Variants in ZNF839 observed in about 807,000 individuals in gnomAD.
ZNF839 encodes zinc finger protein 839.
Under a neutral mutation model 56.4 loss-of-function variants are expected in ZNF839, and 38 were observed. That is an observed-to-expected ratio of 0.67 (90% CI 0.52 to 0.88). The LOEUF (loss-of-function observed/expected upper bound fraction) is 0.88. Ranked by LOEUF, ZNF839 falls within the 40% of genes least tolerant of loss-of-function variation. The probability of loss-of-function intolerance (pLI) is 0.00; values close to 1 mark genes in which losing one functional copy is unlikely to be tolerated. For missense variants in ZNF839, 1,091 were observed against 1,177.6 expected, an observed-to-expected ratio of 0.93 and a Z score of 1.08; for synonymous variants, 486 against 493.5, an observed-to-expected ratio of 0.98 and a Z score of 0.20.
At position 102,325,183 on chromosome 14, in the gene ZNF839, C is replaced by T. The variant is rs141633661; in HGVS notation, c.289-802C>T. Among the ~76,000 whole-genome samples, 227 of 151,854 alleles carry T rather than the reference C, an allele frequency of 1.5e-3. 2 individuals are homozygous for T. The highest frequency in any genetic ancestry group is 5.3e-3 in the African/African-American group (221 of 41,444). Reference sequence around the variant, plus strand: ...CCAGCCTGGCCAACATGGTGAAACCCGTCTCTACCAAAAAATACAAAAATT... The same window carrying T: ...CCAGCCTGGCCAACATGGTGAAACCTGTCTCTACCAAAAAATACAAAAATT... On this transcript the variant is annotated intron_variant, in intron 1 of 7. Transcript: ENST00000442396.
At chr14:102,321,531 A>G (rs1028480542) in intron 1 of ZNF839, among the ~76,000 whole-genome samples, 2 of 152,210 alleles carry the variant, frequency 1.3e-5, no homozygotes, top group Admixed American at 6.5e-5. Context: ...TATAAATTCT[A>G]CCTGCAATAA....
chr14:102,335,052 C>T (rs1462746438), intron 4 of ZNF839: 1 of 154,392 alleles, frequency 6.5e-6, no homozygotes, highest in African/African-American at 2.4e-5. Context: ...GCTACCGTGC[C>T]CAGCTCATAG....
chr14:102,329,960 AT>A (rs2073693573), intron 2 of ZNF839, among the ~76,000 whole-genome samples: 1 of 150,722 alleles, frequency 6.6e-6, no homozygotes, highest in African/African-American at 2.4e-5. Flanking sequence ...TGCCCAGCTA[AT>A]TTTTTGTATT....
intron 5 of ZNF839, chr14:102,336,681 A>C: frequency 2.3e-6 from 1 of 427,406 alleles, no homozygotes; most frequent in Non-Finnish European, 4.6e-6. Context: ...AAAACACCAT[A>C]ATCTTCCCAC....
upstream of ZNF839, chr14:102,319,564 G>A (rs1478921203): frequency 1.8e-6 from 1 of 562,830 alleles, no homozygotes; most frequent in African/African-American, 2.0e-5. This position sits in a 1 kb window ranked among gnomAD's most constrained non-coding sequence, Gnocchi z 4.5. Context: ...AAAATAAGGG[G>A]GGTCCGCTCT....
chr14:102,341,117 T>A, intron 7 of ZNF839: 13 of 300,160 alleles, frequency 4.3e-5, no homozygotes, highest in Non-Finnish European at 6.0e-5. Flanking sequence ...TCTTAGAGCA[T>A]ATTTTTAATA....
intron 1 of ZNF839, among the ~76,000 whole-genome samples, chr14:102,323,889 C>T (rs2073263209): frequency 6.6e-6 from 1 of 152,048 alleles, no homozygotes; most frequent in Admixed American, 6.6e-5. Context: ...GTGACACCTA[C>T]CCATGTTAAT....
intron 2 of ZNF839, among the ~76,000 whole-genome samples, chr14:102,331,081 G>A (rs1304613666): frequency 2.0e-5 from 3 of 152,094 alleles, no homozygotes; most frequent in Admixed American, 6.6e-5. Context: ...ACACAATTTC[G>A]CGAATATTTT....
rs1284449440 is a variant in ZNF839, at chr14:102,320,023, C to CCCGCGCCTG, written c.269_277dup (p.Pro90_Leu92dup). ...TGCAGCGGGGCCGGGGCACCGAGCC[C>CCCGCGCCTG]CCGCGCCTGCCGCGCCTGCTCCCGC... On this transcript the variant is annotated inframe_insertion, in exon 1 of 8. Coordinates refer to ENST00000442396, the MANE Select transcript of ZNF839 (RefSeq NM_018335.6). The CCCGCGCCTG allele has an allele frequency of 5.1e-6, 6 of 1,180,516 alleles. No homozygotes were observed. The highest frequency in any genetic ancestry group is 4.6e-5 in the Admixed American group (1 of 21,928). 73.1% of individuals were successfully genotyped at this position (1,180,516 alleles called of 1,614,324 possible). A position where few individuals can be genotyped will look rare whatever the true frequency, so the allele number is the denominator to read the frequency against.
chr14:102,332,032 C>T lies in ZNF839; in HGVS notation c.1416+186C>T, dbSNP rs1053684032. Among the ~76,000 whole-genome samples the T allele has an allele frequency of 2.0e-5, 3 of 152,302 alleles. No homozygotes were observed. In the South Asian group the frequency reaches 6.2e-4, roughly 32 times the overall value. On this transcript the variant is annotated intron_variant, in intron 3 of 7. Coordinates refer to ENST00000442396, the MANE Select transcript of ZNF839 (RefSeq NM_018335.6). The surrounding 1 kb of genome is among the most constrained non-coding windows in gnomAD (Gnocchi z 4.9). ...TACCTGTTTAAAGTGACTGTACAGC[C>T]TTTGGTGCAGCTCCAAAAGCTGCTT...
Position 102,341,811 on chromosome 14 carries a change from G to A in ZNF839, c.2416G>A (p.Val806Met), listed in dbSNP as rs759524789. Residue 806 changes from valine (V) to methionine (M), a missense_variant, in exon 8 of 8, where the codon GTG becomes ATG. Physicochemically the swap from Val to Met is conservative, Grantham distance 21. Around this residue, in one of 3 missense-constraint regions of ZNF839, gnomAD observed 431 missense variants for 468.0 expected, o/e 0.92. Transcript: ENST00000442396. ...CCCTCCGCTTGAGAAAATTTTGTCTGTGGATAGCGTGGCAGTGGACTGTGC... is the reference window on the plus strand; with the variant it reads ...CCCTCCGCTTGAGAAAATTTTGTCTATGGATAGCGTGGCAGTGGACTGTGC... ...AAPPLEKILS[V>M]DSVAVDCAYR... 4 of 1,613,912 alleles carry A rather than the reference G, an allele frequency of 2.5e-6. No individual in the cohort carries two copies. Among genetic ancestry groups the A allele is most frequent in the African/African-American group, 1.3e-5 (1 of 74,942 alleles).
At chr14:102,334,678 G>A (rs879625521) in intron 4 of ZNF839, 32 bp downstream of exon 4, 12 of 1,277,058 alleles carry the variant, frequency 9.4e-6, no homozygotes, top group African/African-American at 7.3e-5. Flanking sequence ...AAATGATAGC[G>A]GGATGATTAG....
rs763716457 is a variant in ZNF839 at position 102,330,096 on chromosome 14, C to G, written c.1192-1526C>G. On this transcript the variant is annotated intron_variant, in intron 2 of 7. Transcript: ENST00000442396. ...AGGCGTGAGCCATTGCGCCCGGCCT[C>G]AGATTTTCTACTTCTTTGTGATTTA... Among the ~76,000 whole-genome samples, 12 of 151,772 alleles carry G rather than the reference C, an allele frequency of 7.9e-5. No homozygotes were observed. The South Asian group carries it at 2.5e-3, about 32-fold the overall frequency.
At chr14:102,331,186 C>T (rs2139530094) in intron 2 of ZNF839, among the ~76,000 whole-genome samples, 1 of 152,270 alleles carries the variant, frequency 6.6e-6, no homozygotes, top group Non-Finnish European at 1.5e-5. Flanking sequence ...GTCATGGATA[C>T]GTAATGAATT....
intron 1 of ZNF839, among the ~76,000 whole-genome samples, chr14:102,324,894 G>A (rs2073326690): frequency 6.6e-6 from 1 of 151,994 alleles, no homozygotes; most frequent in Non-Finnish European, 1.5e-5. Flanking sequence ...AGGTCGCAGT[G>A]AGCCAAGATA....
chr14:102,323,818 T>C (rs750561662), intron 1 of ZNF839, among the ~76,000 whole-genome samples: 1 of 152,174 alleles, frequency 6.6e-6, no homozygotes, highest in Non-Finnish European at 1.5e-5. Context: ...AACAGAAGGT[T>C]GGAAACCACC....
Position 102,326,042 on chromosome 14 carries a change from C to T in ZNF839, c.346C>T (p.Pro116Ser). The T allele has an allele frequency of 1.2e-6, 2 of 1,613,474 alleles. No individual in the cohort carries two copies. The highest frequency in any genetic ancestry group is 1.7e-6 in the Non-Finnish European group (2 of 1,179,686). Residue 116 changes from proline to serine, a missense_variant, in exon 2 of 8, where the codon CCA (proline) becomes TCA (serine). By Grantham distance (74) the Pro-to-Ser change is moderately conservative. Coordinates refer to ENST00000442396, the MANE Select transcript of ZNF839 (RefSeq NM_018335.6). The surrounding 1 kb of genome is among the most constrained non-coding windows in gnomAD (Gnocchi z 4.3). Reference sequence around the variant, plus strand: ...TGGAGAAACAAAAGGTCAGGAAAGGCCAATGCTCCTACCGACCACAATCCA... The same window carrying T: ...TGGAGAAACAAAAGGTCAGGAAAGGTCAATGCTCCTACCGACCACAATCCA... ...TSGETKGQER[P>S]MLLPTTIQPQ...
In ZNF839 at chr14:102,328,446, A is replaced by G. The variant is rs1217407723; in HGVS notation, c.1191+1559A>G. Among the ~76,000 whole-genome samples the G allele has an allele frequency of 1.4e-5, 2 of 143,630 alleles. 1 individual carries two copies. The highest frequency in any genetic ancestry group is 3.0e-5 in the Non-Finnish European group (2 of 65,784). 94.2% of individuals were successfully genotyped at this position (143,630 alleles called of 152,430 possible). A position where few individuals can be genotyped will look rare whatever the true frequency, so the allele number is the denominator to read the frequency against. ...CACACACATATAGTAGTAAAAAAAC[A>G]CATAGCATGACATGTACCATCTTAA... On this transcript the variant is annotated intron_variant, in intron 2 of 7. Transcript: ENST00000442396.
rs370193621 is a variant in ZNF839 at position 102,326,591 on chromosome 14, G to A, written c.895G>A (p.Ala299Thr). Residue 299 changes from alanine to threonine, a missense_variant, in exon 2 of 8, where the codon GCA becomes ACA. Physicochemically the swap from Ala to Thr is moderately conservative, Grantham distance 58. This residue lies in a region of ZNF839 where 614 missense variants were observed against 629.2 expected (regional missense o/e 0.98). Coordinates refer to ENST00000442396, the MANE Select transcript of ZNF839 (RefSeq NM_018335.6). The surrounding 1 kb of genome is among the most constrained non-coding windows in gnomAD (Gnocchi z 4.3). ...EEDEDQRERH[A>T]LFDLSSCSLR... ...AGATGAAGATCAGAGGGAGAGGCAC[G>A]CACTCTTTGACTTATCGAGCTGCTC... 54 of 1,613,688 alleles carry A rather than the reference G, an allele frequency of 3.3e-5. No individual in the cohort carries two copies. Among genetic ancestry groups the A allele is most frequent in the Admixed American group, 3.3e-5 (2 of 59,976 alleles).
Sources: allele counts gnomAD v4.1 joint callset (sites outside exome capture counted in the v4.1 genomes callset), GRCh38; gene constraint gnomAD v4.1.1; regional missense constraint gnomAD v4.1.1; non-coding constraint Gnocchi (gnomAD v3.1); transcripts MANE v1.5; gene names NCBI Gene and HGNC (gene_info 2026-07-23, HGNC 2026-07-21).